The following SYBU variants were observed in gnomAD, a reference collection of about 807,000 sequenced individuals.
SYBU encodes the protein syntabulin.
In SYBU, 21 loss-of-function variants were observed where a neutral mutation model predicts 35.9. The observed-to-expected ratio is 0.58, with a 90% CI of 0.41 to 0.84. The LOEUF (loss-of-function observed/expected upper bound fraction) is 0.84, where lower values mean the gene tolerates loss of function less well. Ranked by LOEUF, SYBU falls within the 40% of genes least tolerant of loss-of-function variation. SYBU has a pLI of 0.00. For synonymous variants in SYBU, 319 were observed against 324.3 expected (o/e 0.98, Z 0.18); for missense variants, 768 against 848.2 (o/e 0.91, Z 1.17).
At chr8:109,604,210 A>T (rs545706892) in intron 3 of SYBU, among the ~76,000 whole-genome samples, 22 of 117,002 alleles carry the variant, frequency 1.9e-4, no homozygotes, top group African/African-American at 4.9e-4. Flanking sequence ...AATAGAATTT[A>T]AAAAAAAACA....
intron 3 of SYBU, among the ~76,000 whole-genome samples, chr8:109,592,972 C>CCAA (rs764551756): frequency 8.3e-4 from 123 of 149,052 alleles, no homozygotes; most frequent in Non-Finnish European, 7.3e-4. Context: ...AAGTGCTTGA[C>CCAA]ACACTCATAA....
chr8:109,649,569 G>A (rs1277273984), upstream of SYBU, among the ~76,000 whole-genome samples: 2 of 152,182 alleles, frequency 1.3e-5, no homozygotes, highest in African/African-American at 2.4e-5. Flanking sequence ...GGCAAGTCCA[G>A]GGGAAGAGGC....
chr8:109,687,961 G>A (rs757272371), intron 1 of SYBU, among the ~76,000 whole-genome samples: 1 of 152,134 alleles, frequency 6.6e-6, no homozygotes. Context: ...AAATAATCTA[G>A]AGGTACATTT....
At chr8:109,622,244 CTTTT>C (rs140203897) in intron 2 of SYBU, among the ~76,000 whole-genome samples, 14,642 of 150,296 alleles carry the variant, frequency 0.097, 966 homozygotes, top group East Asian at 0.36. Flanking sequence ...ATCTATCTAT[CTTTT>C]TAAGACAGAG....
chr8:109,656,922 C>T (rs1238331327), intron 1 of SYBU, among the ~76,000 whole-genome samples: 8 of 151,960 alleles, frequency 5.3e-5, no homozygotes, highest in Non-Finnish European at 8.8e-5. Context: ...ACCCATGACT[C>T]ATTTAATATT....
intron 1 of SYBU, among the ~76,000 whole-genome samples, chr8:109,674,951 A>G (rs1237667389): frequency 6.6e-6 from 1 of 152,244 alleles, no homozygotes; most frequent in Non-Finnish European, 1.5e-5. Flanking sequence ...CTCAGACCAC[A>G]GTGCAATCAA....
chr8:109,654,019 C>T lies in SYBU; in HGVS notation c.-129+26692G>A, dbSNP rs140724851. Among the ~76,000 whole-genome samples, 10 of 152,276 alleles carry T rather than the reference C, an allele frequency of 6.6e-5. No homozygotes were observed. In the East Asian group the frequency reaches 1.9e-3, roughly 29 times the overall value. ...ATAAAGAACATGGAAGAGCACCCTG[C>T]ACACACTAAGCACTCAATGAACGTT... On this transcript the variant is annotated intron_variant, in intron 1 of 5. Transcript: ENST00000408889.
At chr8:109,649,600 G>A (rs1816031769), upstream of SYBU, among the ~76,000 whole-genome samples, 2 of 152,172 alleles carry the variant, frequency 1.3e-5, no homozygotes, top group African/African-American at 2.4e-5. Context: ...GGCTTGGAAC[G>A]TTGAAGGATG....
rs528905925 is a variant in SYBU, at chr8:109,576,992, T to C, written c.884+876A>G. 3.3e-5 allele frequency among the ~76,000 whole-genome samples: 5 copies of C among 152,332 alleles called. No homozygotes were observed. In the East Asian group the frequency reaches 9.6e-4, roughly 29 times the overall value. On this transcript the variant is annotated intron_variant, in intron 6 of 6. Coordinates refer to ENST00000276646, the MANE Select transcript of SYBU (RefSeq NM_001099754.2). ...ACCAAACACTTCCAGACATAAGGTC[T>C]GACTCACCCCAGAGGGGAGTTTGGG...
chr8:109,574,704 C>CAT lies in SYBU; in HGVS notation c.*200_*201dup, dbSNP rs1822007985. ...TGCTTTCTATACCCCACTGGTGGGA[C>CAT]ATTTACTGGAACCAGGTCTCCATGC... On this transcript the variant is annotated 3_prime_UTR_variant, in exon 7 of 7. Transcript: ENST00000276646. 1 of 481,570 alleles carries CAT rather than the reference C, an allele frequency of 2.1e-6. No individual in the cohort carries two copies. Among genetic ancestry groups the CAT allele is most frequent in the East Asian group, 3.2e-5 (1 of 31,204 alleles). The allele number at this position is 481,570 out of a possible 1,614,324, so 29.8% of individuals were successfully genotyped here.
intron 3 of SYBU, chr8:109,608,183 T>G: frequency 2.2e-6 from 1 of 459,044 alleles, no homozygotes; most frequent in South Asian, 5.3e-5. Context: ...ACTGCAGTGT[T>G]CCAATGAAAC....
Position 109,641,777 on chromosome 8 carries a change from T to C in SYBU, c.229+951A>G, listed in dbSNP as rs189812781. On this transcript the variant is annotated intron_variant, in intron 2 of 6. Transcript: ENST00000276646. ...TGCATCTTTAAAAACAGTCATAGAA[T>C]GGCAGTAATTAAAAGATCAGGAATG... Among the ~76,000 whole-genome samples, 4 of 152,348 alleles carry C rather than the reference T, an allele frequency of 2.6e-5. No homozygotes were observed. In the East Asian group the frequency reaches 5.8e-4, roughly 22 times the overall value.
intron 1 of SYBU, among the ~76,000 whole-genome samples, chr8:109,673,054 C>T (rs992437188): frequency 5.9e-5 from 9 of 152,212 alleles, no homozygotes; most frequent in Admixed American, 1.3e-4. Flanking sequence ...ATATAAAATG[C>T]CCAACTCTCT....
intron 3 of SYBU, among the ~76,000 whole-genome samples, chr8:109,595,638 G>A (rs1227584677): frequency 1.3e-5 from 2 of 152,210 alleles, no homozygotes; most frequent in Non-Finnish European, 2.9e-5. Context: ...TCATGGAGGA[G>A]GCACACTGAA....
Position 109,579,786 on chromosome 8 carries a change from G to A in SYBU, c.734+13C>T, listed in dbSNP as rs183611709. 1.1e-4 allele frequency: 177 copies of A among 1,611,698 alleles called. 1 individual carries two copies. In the African/African-American group the frequency reaches 1.9e-3, roughly 17 times the overall value. On this transcript the variant is annotated intron_variant, in intron 5 of 6. Coordinates refer to ENST00000276646, the MANE Select transcript of SYBU (RefSeq NM_001099754.2). ...ACAAACTAAGATGCATGAATTAGGT[G>A]AGCAGGACTCACCTCATGATGGGGC...
chr8:109,606,659 C>T (rs573657712), intron 3 of SYBU, among the ~76,000 whole-genome samples: 10 of 152,262 alleles, frequency 6.6e-5, no homozygotes, highest in African/African-American at 2.4e-4. Flanking sequence ...ATTCCATCTA[C>T]TGTTAGAAAT....
chr8:109,652,401 T>C (rs1382587711), intron 1 of SYBU, among the ~76,000 whole-genome samples: 14 of 149,518 alleles, frequency 9.4e-5, no homozygotes, highest in Admixed American at 2.0e-4. Flanking sequence ...CCCTTTTTTT[T>C]CCCTACTTTG....
chr8:109,664,685 T>G (rs942996565), intron 1 of SYBU, among the ~76,000 whole-genome samples: 2 of 152,088 alleles, frequency 1.3e-5, no homozygotes, highest in African/African-American at 4.8e-5. Context: ...AAAATTTGAG[T>G]GAGACCTTGA....
At chr8:109,676,108 C>T (rs1817180666) in intron 1 of SYBU, among the ~76,000 whole-genome samples, 1 of 152,130 alleles carries the variant, frequency 6.6e-6, no homozygotes, top group Non-Finnish European at 1.5e-5. Context: ...GATAAAAACT[C>T]TCAATAAACT....
Sources: gnomAD v4.1 joint callset for allele counts (sites outside exome capture counted in the v4.1 genomes callset) on GRCh38, gnomAD v4.1.1 for gene constraint, MANE v1.5 for transcripts, NCBI Gene and HGNC (gene_info 2026-07-23, HGNC 2026-07-21) for gene names.